Variants in MAGI1 observed in about 807,000 individuals in gnomAD.
The protein encoded by MAGI1 is membrane associated guanylate kinase, WW and PDZ domain containing 1.
A neutral mutation model predicts 139.9 loss-of-function variants in MAGI1; 58 were observed. That is an observed-to-expected ratio of 0.41 (90% CI 0.34 to 0.52). MAGI1 has a LOEUF of 0.52. MAGI1 is among the 20% of genes least tolerant of loss of function. MAGI1 has a pLI of 0.12. For synonymous variants in MAGI1, 812 were observed against 737.9 expected (o/e 1.10, Z -1.63); for missense variants, 1,874 against 1,901.6 (o/e 0.99, Z 0.27).
chr3:66,037,990 C>T lies in MAGI1; in HGVS notation c.313+6G>A. 1 of 1,564,350 alleles carries T rather than the reference C, an allele frequency of 6.4e-7. No homozygotes were observed. On this transcript the variant is annotated splice_donor_region_variant and intron_variant, in intron 1 of 22. Coordinates refer to ENST00000402939, the MANE Select transcript of MAGI1 (RefSeq NM_001033057.2). Reference sequence around the variant, plus strand: ...GGGCGCCCCCCAAAGGCGCGCCCTGCCTTACCTTGTCTGACGGCCTTGAAG... The same window carrying T: ...GGGCGCCCCCCAAAGGCGCGCCCTGTCTTACCTTGTCTGACGGCCTTGAAG...
intron 1 of MAGI1, among the ~76,000 whole-genome samples, chr3:65,798,216 A>T (rs1230465981): frequency 1.3e-5 from 2 of 152,082 alleles, no homozygotes; most frequent in Admixed American, 6.5e-5. Context: ...AGAAAAGAGA[A>T]TCACTTGAAC....
chr3:66,014,391 C>G (rs529191854), intron 1 of MAGI1, among the ~76,000 whole-genome samples: 1 of 152,238 alleles, frequency 6.6e-6, no homozygotes, highest in East Asian at 1.9e-4. Flanking sequence ...TAGATGCTGT[C>G]TCTTACTTTT....
chr3:65,950,783 GTAT>G (rs1553737023), intron 1 of MAGI1, among the ~76,000 whole-genome samples: 5 of 152,126 alleles, frequency 3.3e-5, no homozygotes, highest in Non-Finnish European at 7.3e-5. Flanking sequence ...CCAGACAGAG[GTAT>G]GCACTGTGTG....
chr3:65,648,758 A>T (rs1322408357), intron 1 of MAGI1, among the ~76,000 whole-genome samples: 2 of 152,206 alleles, frequency 1.3e-5, no homozygotes, highest in Non-Finnish European at 1.5e-5. Flanking sequence ...ATAGTAAAAA[A>T]TTTTGAAACT....
intron 13 of MAGI1, among the ~76,000 whole-genome samples, chr3:65,395,085 T>G (rs1395649514): frequency 2.0e-5 from 3 of 152,122 alleles, no homozygotes; most frequent in Non-Finnish European, 4.4e-5. Flanking sequence ...CTAAGTGTGC[T>G]GCCCTACCTG....
intron 2 of MAGI1, among the ~76,000 whole-genome samples, chr3:65,503,652 T>A (rs1032571453): frequency 6.6e-6 from 1 of 152,218 alleles, no homozygotes; most frequent in Non-Finnish European, 1.5e-5. Flanking sequence ...GAACACTGTG[T>A]GATGAAGGTA....
chr3:66,024,993 C>A (rs1245153398), intron 1 of MAGI1, among the ~76,000 whole-genome samples: 1 of 151,880 alleles, frequency 6.6e-6, no homozygotes, highest in African/African-American at 2.4e-5. Context: ...ATGATGGATA[C>A]CAAAAGCCTT....
chr3:65,943,576 A>G (rs1010820928), intron 1 of MAGI1, among the ~76,000 whole-genome samples: 1 of 152,100 alleles, frequency 6.6e-6, no homozygotes, highest in African/African-American at 2.4e-5. Context: ...CCATCTCAAA[A>G]AAAAAAAAAA....
chr3:65,736,991 C>A (rs2034795788), intron 1 of MAGI1, among the ~76,000 whole-genome samples: 3 of 151,754 alleles, frequency 2.0e-5, no homozygotes, highest in Admixed American at 2.0e-4. Flanking sequence ...TACTGTCACA[C>A]TTGCATCAAG....
intron 1 of MAGI1, among the ~76,000 whole-genome samples, chr3:65,836,810 G>T (rs935220164): frequency 6.6e-6 from 1 of 152,074 alleles, no homozygotes; most frequent in Admixed American, 6.6e-5. Flanking sequence ...AAGAGAGAGA[G>T]AGACAGAGAG....
At chr3:65,735,412 G>A (rs1325922649) in intron 1 of MAGI1, among the ~76,000 whole-genome samples, 1 of 139,166 alleles carries the variant, frequency 7.2e-6, no homozygotes, top group East Asian at 2.3e-4. Context: ...AATATTGGAG[G>A]TGATTCCTAA....
rs1344863184 is a variant in MAGI1, at chr3:65,655,841, C to T, written c.314-33753G>A. ...CCAATGTCCAGTTGAATTCCAATTC[C>T]AATGCCCAGGTAAATTCCAACTCCA... On this transcript the variant is annotated intron_variant, in intron 1 of 22. Transcript: ENST00000402939. 3.3e-5 allele frequency among the ~76,000 whole-genome samples: 5 copies of T among 152,254 alleles called. No homozygotes were observed. The South Asian group carries it at 6.2e-4, about 19-fold the overall frequency.
intron 1 of MAGI1, among the ~76,000 whole-genome samples, chr3:65,958,785 G>A (rs9880813): frequency 0.42 from 63,514 of 151,966 alleles, 13,798 homozygotes; most frequent in South Asian, 0.61. Context: ...CCAAGAGTTC[G>A]AGACCAGCCT....
chr3:65,442,591 G>T (rs1417839131), intron 8 of MAGI1, among the ~76,000 whole-genome samples: 2 of 152,104 alleles, frequency 1.3e-5, no homozygotes, highest in Non-Finnish European at 2.9e-5. Flanking sequence ...TCCTGCCCAT[G>T]TGAATTTAAT....
At chr3:65,475,175 T>A (rs1950816920) in intron 4 of MAGI1, among the ~76,000 whole-genome samples, 1 of 152,126 alleles carries the variant, frequency 6.6e-6, no homozygotes, top group African/African-American at 2.4e-5. Flanking sequence ...TGAATGAATC[T>A]GTTACTTTTT....
Position 65,373,006 on chromosome 3 carries a change from G to A in MAGI1, c.3196+2739C>T, listed in dbSNP as rs141651115. Among the ~76,000 whole-genome samples, 56 of 152,282 alleles carry A rather than the reference G, an allele frequency of 3.7e-4. No individual in the cohort carries two copies. In the East Asian group the frequency reaches 0.01, roughly 28 times the overall value. ...TGTTTCGCTTTCTTAAAATCCATGT[G>A]TTCTCTGGAGTGGCACTTTTAATTT... On this transcript the variant is annotated intron_variant, in intron 18 of 22. Coordinates refer to ENST00000402939, the MANE Select transcript of MAGI1 (RefSeq NM_001033057.2).
At chr3:65,892,499 T>C (rs2060812481) in intron 1 of MAGI1, among the ~76,000 whole-genome samples, 1 of 152,194 alleles carries the variant, frequency 6.6e-6, no homozygotes, top group African/African-American at 2.4e-5. Context: ...CTTGTGTTTA[T>C]TTTTTAGAAA....
chr3:65,733,349 C>T lies in MAGI1; in HGVS notation c.314-111261G>A, dbSNP rs546048697. ...TGCTGGGATTACAGGCGTGAGCCAC[C>T]GTGCCCAGCTGTGTTTTGTGTTTTT... On this transcript the variant is annotated intron_variant, in intron 1 of 22. Transcript: ENST00000402939. Among the ~76,000 whole-genome samples, 26 of 152,234 alleles carry T rather than the reference C, an allele frequency of 1.7e-4. No homozygotes were observed. In the South Asian group the frequency reaches 3.1e-3, roughly 18 times the overall value.
intron 1 of MAGI1, among the ~76,000 whole-genome samples, chr3:65,630,270 A>G (rs771366949): frequency 3.3e-5 from 5 of 152,202 alleles, no homozygotes; most frequent in Non-Finnish European, 7.3e-5. Context: ...GGAAGGACGA[A>G]CAGACATGAC....
Sources: allele counts gnomAD v4.1 joint callset (sites outside exome capture counted in the v4.1 genomes callset), GRCh38; gene constraint gnomAD v4.1.1; transcripts MANE v1.5; gene names NCBI Gene and HGNC (gene_info 2026-07-23, HGNC 2026-07-21).